The following RERE variants were observed in gnomAD, a reference collection of about 807,000 sequenced individuals.
RERE encodes arginine-glutamic acid dipeptide repeats protein.
Under a neutral mutation model 146.1 loss-of-function variants are expected in RERE, and 40 were observed. The observed-to-expected ratio is 0.27, with a 90% confidence interval of 0.21 to 0.36. The LOEUF (loss-of-function observed/expected upper bound fraction) is 0.36, where lower values mean the gene tolerates loss of function less well. Ranked by LOEUF, RERE falls within the 10% of genes least tolerant of loss-of-function variation. The pLI is 1.00. For synonymous variants in RERE, 1,003 were observed against 866.0 expected, an observed-to-expected ratio of 1.16 and a Z score of -2.78; for missense variants, 1,933 against 2,138.7, an observed-to-expected ratio of 0.90 and a Z score of 1.90.
intron 1 of RERE, among the ~76,000 whole-genome samples, chr1:8,674,736 TC>T (rs1273957404): frequency 1.3e-5 from 2 of 152,198 alleles, no homozygotes; most frequent in Non-Finnish European, 2.9e-5. Flanking sequence ...CATTTCATAC[TC>T]CATTTTACAT....
rs538711005 is a variant in RERE at position 8,513,781 on chromosome 1, AAAAAC to A, written c.831-5111_831-5107del. On this transcript the variant is annotated intron_variant, in intron 7 of 22. Coordinates refer to ENST00000400908, the MANE Select transcript of RERE (RefSeq NM_001042681.2). ...GGCAACAAGAGCGAAACTCTGTCTC[AAAAAC>A]AAAACAAAACAAAACAAAAACTCAA... Among the ~76,000 whole-genome samples, 43 of 152,300 alleles carry A rather than the reference AAAAAC, an allele frequency of 2.8e-4. No individual in the cohort carries two copies. The South Asian group carries it at 4.8e-3, about 17-fold the overall frequency.
chr1:8,623,169 T>C (rs1298832493), intron 3 of RERE, among the ~76,000 whole-genome samples: 3 of 152,220 alleles, frequency 2.0e-5, no homozygotes. Context: ...GGTTCCCGGC[T>C]GGCATGGTAG....
chr1:8,615,270 A>G (rs1274485885), intron 3 of RERE, among the ~76,000 whole-genome samples: 1 of 152,238 alleles, frequency 6.6e-6, no homozygotes, highest in Non-Finnish European at 1.5e-5. Context: ...CAATATTCAC[A>G]TGAGTTATAA....
intron 1 of RERE, among the ~76,000 whole-genome samples, chr1:8,693,978 G>A (rs1639265183): frequency 6.9e-6 from 1 of 144,448 alleles, no homozygotes; most frequent in Non-Finnish European, 1.5e-5. Flanking sequence ...TTATCTAAAT[G>A]CTTAAATGTT....
intron 10 of RERE, among the ~76,000 whole-genome samples, chr1:8,478,467 C>A (rs867349183): frequency 1.6e-4 from 25 of 152,150 alleles, no homozygotes; most frequent in African/African-American, 6.0e-4. Context: ...CCAACAAATA[C>A]CAGGTGTGGG....
chr1:8,463,029 G>T (rs1029903301), intron 11 of RERE, among the ~76,000 whole-genome samples: 1 of 152,200 alleles, frequency 6.6e-6, no homozygotes, highest in South Asian at 2.1e-4. Context: ...GTGAGAAAAT[G>T]TGGTAAATTT....
At chr1:8,661,856 T>C (rs1333028467) in intron 1 of RERE, among the ~76,000 whole-genome samples, 1 of 152,178 alleles carries the variant, frequency 6.6e-6, no homozygotes, top group African/African-American at 2.4e-5. Flanking sequence ...GCCATGAGAC[T>C]GAATGAGATC....
intron 22 of RERE, 124 bp downstream of exon 22, chr1:8,355,295 G>A: frequency 8.4e-7 from 1 of 1,197,518 alleles, no homozygotes; most frequent in Non-Finnish European, 1.2e-6. Context: ...CATCACCATG[G>A]TTCCACAATG....
intron 12 of RERE, among the ~76,000 whole-genome samples, chr1:8,382,155 G>A (rs1221254101): frequency 6.6e-6 from 1 of 152,248 alleles, no homozygotes; most frequent in African/African-American, 2.4e-5. Flanking sequence ...CCTGCAGGCA[G>A]ATAGCAAGAG....
At chr1:8,808,502 A>C (rs1343072868) in intron 1 of RERE, among the ~76,000 whole-genome samples, 1 of 152,220 alleles carries the variant, frequency 6.6e-6, no homozygotes, top group East Asian at 1.9e-4. Flanking sequence ...GGACCTTTTT[A>C]AATACTTTAT....
In RERE at chr1:8,356,998, C is replaced by A. The variant is rs1258889713; in HGVS notation, c.4340-752G>T. On this transcript the variant is annotated intron_variant, in intron 20 of 22. Transcript: ENST00000400908. The surrounding 1 kb of genome is among the most constrained non-coding windows in gnomAD (Gnocchi z 5.2). ...CATCTCCTCCATGTTTCTGCTACCTCCTCAGCGGACCTCTCCTGACGGCCT... is the reference window on the plus strand; with the variant it reads ...CATCTCCTCCATGTTTCTGCTACCTACTCAGCGGACCTCTCCTGACGGCCT... 6.6e-6 allele frequency among the ~76,000 whole-genome samples: 1 copy of A among 152,200 alleles called. No individual in the cohort carries two copies. The highest frequency in any genetic ancestry group is 2.1e-4 in the South Asian group (1 of 4,824).
chr1:8,552,726 G>A (rs1191486607), intron 6 of RERE, among the ~76,000 whole-genome samples: 1 of 152,248 alleles, frequency 6.6e-6, no homozygotes, highest in Non-Finnish European at 1.5e-5. Flanking sequence ...ATCCCATTCT[G>A]TTTTATGGGA....
chr1:8,757,961 A>G (rs893503286), intron 1 of RERE, among the ~76,000 whole-genome samples: 6 of 151,088 alleles, frequency 4.0e-5, no homozygotes, highest in African/African-American at 1.5e-4. Context: ...ATGTGTTCTA[A>G]GAAAATTCTG....
intron 20 of RERE, among the ~76,000 whole-genome samples, chr1:8,357,872 CAT>C (rs1641358023): frequency 6.6e-6 from 1 of 152,242 alleles, no homozygotes; most frequent in Non-Finnish European, 1.5e-5. Flanking sequence ...CCAAAGGCCA[CAT>C]GACACTGCTC....
intron 1 of RERE, among the ~76,000 whole-genome samples, chr1:8,717,345 C>T (rs1423304916): frequency 1.3e-5 from 2 of 152,184 alleles, no homozygotes; most frequent in African/African-American, 4.8e-5. Flanking sequence ...CACAATAACG[C>T]CTTGTCATCG....
At chr1:8,708,263 G>A (rs529782400) in intron 1 of RERE, among the ~76,000 whole-genome samples, 20 of 152,176 alleles carry the variant, frequency 1.3e-4, no homozygotes, top group Admixed American at 1.3e-4. Flanking sequence ...TGCTGTTTTC[G>A]TCATAGTGGA....
At chr1:8,474,506 G>A (rs1048967105) in intron 10 of RERE, among the ~76,000 whole-genome samples, 4 of 152,120 alleles carry the variant, frequency 2.6e-5, no homozygotes, top group South Asian at 2.1e-4. Context: ...TAAACTCTGC[G>A]TATTACCACA....
At chr1:8,528,119 T>C (rs1474589434) in intron 7 of RERE, among the ~76,000 whole-genome samples, 2 of 152,224 alleles carry the variant, frequency 1.3e-5, no homozygotes, top group South Asian at 2.1e-4. Flanking sequence ...ATCACTCATA[T>C]AGTATGGCTG....
At chr1:8,809,406 A>T (rs1641751330) in intron 1 of RERE, among the ~76,000 whole-genome samples, 1 of 152,180 alleles carries the variant, frequency 6.6e-6, no homozygotes, top group South Asian at 2.1e-4. Flanking sequence ...AAGATTTTTC[A>T]TGCTAAGTCC....
Sources: allele counts gnomAD v4.1 joint callset (sites outside exome capture counted in the v4.1 genomes callset), GRCh38; gene constraint gnomAD v4.1.1; non-coding constraint Gnocchi (gnomAD v3.1); transcripts MANE v1.5; gene names NCBI Gene and HGNC (gene_info 2026-07-23, HGNC 2026-07-21).